PPEF2: variants seen among roughly 807,000 people sequenced by gnomAD.
The protein encoded by PPEF2 is protein phosphatase with EF-hand domain 2.
In PPEF2, 84 loss-of-function variants were observed where a neutral mutation model predicts 84.7. The observed-to-expected ratio is 0.99, with a 90% CI of 0.83 to 1.19. The LOEUF (loss-of-function observed/expected upper bound fraction) is 1.19, where lower values mean the gene tolerates loss of function less well. PPEF2 is among the 50% of genes most tolerant of loss of function. PPEF2 has a pLI of 0.00. For missense variants in PPEF2, 924 were observed against 937.5 expected, an observed-to-expected ratio of 0.99 and a Z score of 0.19; for synonymous variants, 346 against 345.2, an observed-to-expected ratio of 1.00 and a Z score of -0.03.
At chr4:75,886,584 T>A (rs903271032) in intron 7 of PPEF2, among the ~76,000 whole-genome samples, 1 of 151,940 alleles carries the variant, frequency 6.6e-6, no homozygotes, top group African/African-American at 2.4e-5. Flanking sequence ...TTAGGGCATG[T>A]TGGCATGCAC....
chr4:75,860,283 G>A lies in PPEF2; in HGVS notation c.*384C>T, dbSNP rs7436435. On this transcript the variant is annotated 3_prime_UTR_variant, in exon 17 of 17. Coordinates refer to ENST00000286719, the MANE Select transcript of PPEF2 (RefSeq NM_006239.3). Reference sequence around the variant, plus strand: ...GAATCGCCTGGGAGGCGGACTTTGCGGTGAGCCGAGATCGCGCCAATGCAC... The same window carrying A: ...GAATCGCCTGGGAGGCGGACTTTGCAGTGAGCCGAGATCGCGCCAATGCAC... The A allele has an allele frequency of 2.4e-3, 482 of 197,918 alleles. 3 individuals are homozygous for A. The highest frequency in any genetic ancestry group is 0.011 in the African/African-American group (453 of 42,612). The allele number at this position is 197,918 out of a possible 1,614,324, so 12.3% of individuals were successfully genotyped here.
At chr4:75,872,222 C>T (rs1724299640) in intron 12 of PPEF2, 55 bp from the exon 13 acceptor site, 4 of 1,556,620 alleles carry the variant, frequency 2.6e-6, no homozygotes, top group Non-Finnish European at 3.5e-6. Flanking sequence ...AAACCTTCAC[C>T]CTCAATCCTA....
rs773438995 is a variant in PPEF2 at position 75,873,274 on chromosome 4, C to T, written c.1359G>A (p.Glu453=). ...CTCGAATAGTGTTGGCCTTGCAGCC[C>T]TCTTGAGCCATGGGATCACTCCACA... ...DILWSDPMAQ[E]GCKANTIRGG... Residue 453 remains glutamate, a synonymous_variant, in exon 12 of 17, where the codon GAG becomes GAA. Transcript: ENST00000286719. 6 of 1,614,048 alleles carry T rather than the reference C, an allele frequency of 3.7e-6. No individual in the cohort carries two copies. In the Admixed American group the frequency reaches 1.0e-4, roughly 27 times the overall value.
rs1343376794 is a variant in PPEF2, at chr4:75,860,618, G to A, written c.*49C>T. On this transcript the variant is annotated 3_prime_UTR_variant, in exon 17 of 17. Coordinates refer to ENST00000286719, the MANE Select transcript of PPEF2 (RefSeq NM_006239.3). ...AATAAGGGAGATAGTCTAGTGAGAA[G>A]CTGAGCATTGCCTATGAGGCACTTT... 6.2e-7 allele frequency: 1 copy of A among 1,602,778 alleles called. No homozygotes were observed. The highest frequency in any genetic ancestry group is 2.2e-5 in the East Asian group (1 of 44,684).
Position 75,864,300 on chromosome 4 carries a change from A to G in PPEF2, c.2008+140T>C, listed in dbSNP as rs997056433. 6.1e-6 allele frequency: 4 copies of G among 651,520 alleles called. No homozygotes were observed. In the African/African-American group the frequency reaches 7.3e-5, roughly 12 times the overall value. 40.4% of individuals were successfully genotyped at this position (651,520 alleles called of 1,614,324 possible). A position where few individuals can be genotyped will look rare whatever the true frequency, so the allele number is the denominator to read the frequency against. On this transcript the variant is annotated intron_variant, in intron 16 of 16. Transcript: ENST00000286719. Reference sequence around the variant, plus strand: ...CTCAAGTACTTTCCTAGTTTCTGTCATTTATAAGCACTAATCTTCTTACCT... The same window carrying G: ...CTCAAGTACTTTCCTAGTTTCTGTCGTTTATAAGCACTAATCTTCTTACCT...
chr4:75,901,116 A>G (rs1725111985), intron 1 of PPEF2, among the ~76,000 whole-genome samples: 1 of 152,238 alleles, frequency 6.6e-6, no homozygotes, highest in African/African-American at 2.4e-5. Context: ...ATTTTTACAC[A>G]TAAGAAAAAT....
rs768391823 is a variant in PPEF2, at chr4:75,864,460, A to G, written c.1988T>C (p.Ile663Thr). ...TTTACCTGAATGATCACTGTCTATG[A>G]TCCTAAAAATGGTCTCTAGGTTGGA... is the stretch of plus-strand genomic sequence containing the variant. ...NRSNLETIFR[I>T]IDSDHSGFIS... The change falls in exon 16 of 17, where the codon ATC becomes ACC. Residue 663 changes from isoleucine to threonine, a missense_variant. Coordinates refer to ENST00000286719, the MANE Select transcript of PPEF2 (RefSeq NM_006239.3). 2 of 1,608,878 alleles carry G rather than the reference A, an allele frequency of 1.2e-6. No individual in the cohort carries two copies. Among genetic ancestry groups the G allele is most frequent in the South Asian group, 1.1e-5 (1 of 90,942 alleles).
intron 10 of PPEF2, 47 bp from the exon 11 acceptor site, chr4:75,876,720 G>T (rs1418780638): frequency 6.7e-7 from 1 of 1,500,338 alleles, no homozygotes; most frequent in Non-Finnish European, 8.9e-7. Flanking sequence ...GAAACTGTAG[G>T]CCCAGACAGG....
At position 75,873,388 on chromosome 4, in the gene PPEF2, GA is replaced by G. The variant is rs1432804106; in HGVS notation, c.1321-77del. 8 of 1,288,344 alleles carry G rather than the reference GA, an allele frequency of 6.2e-6. No individual in the cohort carries two copies. The Admixed American group carries it at 1.2e-4, about 19-fold the overall frequency. The allele number at this position is 1,288,344 out of a possible 1,614,324, so 79.8% of individuals were successfully genotyped here. On this transcript the variant is annotated intron_variant, in intron 11 of 16. Coordinates refer to ENST00000286719, the MANE Select transcript of PPEF2 (RefSeq NM_006239.3). ...TCCACAGTCATTCAAATGAAAGGAA[GA>G]GGAGGAGGAAAATATTTGAATAAAA...
chr4:75,886,065 C>T (rs76078093), intron 7 of PPEF2, among the ~76,000 whole-genome samples: 4 of 152,036 alleles, frequency 2.6e-5, no homozygotes, highest in African/African-American at 7.2e-5. Flanking sequence ...TACTGATGAT[C>T]TGTTGTTGCC....
intron 15 of PPEF2, among the ~76,000 whole-genome samples, chr4:75,865,961 G>A (rs1261882720): frequency 6.6e-6 from 1 of 152,136 alleles, no homozygotes; most frequent in Non-Finnish European, 1.5e-5. Flanking sequence ...ACGTGTAATG[G>A]TGCTGATAAT....
At chr4:75,893,470 C>A (rs1429535071) in intron 2 of PPEF2, among the ~76,000 whole-genome samples, 1 of 145,304 alleles carries the variant, frequency 6.9e-6, no homozygotes, top group Non-Finnish European at 1.5e-5. Context: ...TGCACTTTAG[C>A]CTGGGCTAGA....
chr4:75,860,859 G>T lies in PPEF2; in HGVS notation c.2070C>A (p.Ile690=). 1 of 1,614,168 alleles carries T rather than the reference G, an allele frequency of 6.2e-7. No individual in the cohort carries two copies. The highest frequency in any genetic ancestry group is 1.6e-4 in the Middle Eastern group (1 of 6,062). ...TWKLFSSHMN[I]DITDDCICDL... is the part of the protein sequence containing the mutation. ...CACAGATGCAGTCATCTGTAATGTC[G>T]ATATTCATGTGAGAGCTGAACAGCT... Residue 690 remains isoleucine, a synonymous_variant, in exon 17 of 17, where the codon ATC becomes ATA. Coordinates refer to ENST00000286719, the MANE Select transcript of PPEF2 (RefSeq NM_006239.3).
At chr4:75,892,672 TCCCCCACATGGCCACTGGGC>T (rs917592362) in intron 2 of PPEF2, among the ~76,000 whole-genome samples, 2 of 152,072 alleles carry the variant, frequency 1.3e-5, no homozygotes, top group Non-Finnish European at 2.9e-5. Flanking sequence ...GACCATGCAG[TCCCCCACATGGCCACTGGGC>T]CTCTCATTTT....
Position 75,867,399 on chromosome 4 carries a change from G to C in PPEF2, c.1670C>G (p.Ser557Trp), listed in dbSNP as rs767385175. Residue 557 changes from serine to tryptophan, a missense_variant, in exon 14 of 17, where the codon TCG becomes TGG. Ser to Trp is a radical substitution (Grantham distance 177). Coordinates refer to ENST00000286719, the MANE Select transcript of PPEF2 (RefSeq NM_006239.3). ...CTTCTCCCTCAGAGCTCTCAGAGCC[G>C]ACTCCTCCACTCTGCTAATCCTGGG... Reference protein sequence around the residue: ...MRQRISRVEESALRALREKLF... With the variant: ...MRQRISRVEEWALRALREKLF... 6.2e-7 allele frequency: 1 copy of C among 1,613,390 alleles called. No homozygotes were observed. The highest frequency in any genetic ancestry group is 8.5e-7 in the Non-Finnish European group (1 of 1,179,610).
chr4:75,880,804 CTTT>C, intron 10 of PPEF2, among the ~76,000 whole-genome samples: 1 of 54,366 alleles, frequency 1.8e-5, no homozygotes, highest in Non-Finnish European at 7.0e-5. Flanking sequence ...CCTATAAATA[CTTT>C]TTTTTTTTTT....
intron 13 of PPEF2, among the ~76,000 whole-genome samples, chr4:75,868,483 A>G (rs2149215438): frequency 1.3e-5 from 2 of 152,242 alleles, no homozygotes; most frequent in Middle Eastern, 6.8e-3. Flanking sequence ...ATCTTACTGC[A>G]ATTGAAGGCA....
At chr4:75,878,195 C>T (rs1027809872) in intron 10 of PPEF2, among the ~76,000 whole-genome samples, 1 of 152,142 alleles carries the variant, frequency 6.6e-6, no homozygotes, top group African/African-American at 2.4e-5. Flanking sequence ...CACTCCTTGC[C>T]ACAGGGAATT....
chr4:75,900,880 G>T (rs891366674), intron 1 of PPEF2, among the ~76,000 whole-genome samples: 13 of 152,044 alleles, frequency 8.6e-5, no homozygotes, highest in Admixed American at 2.6e-4. Context: ...ACGGCCCCAA[G>T]ATATATTGTT....
Sources: allele counts gnomAD v4.1 joint callset (sites outside exome capture counted in the v4.1 genomes callset), GRCh38; gene constraint gnomAD v4.1.1; transcripts MANE v1.5; gene names NCBI Gene and HGNC (gene_info 2026-07-23, HGNC 2026-07-21).